Variants in CHRM3 observed in about 807,000 individuals in gnomAD.
CHRM3 encodes muscarinic acetylcholine receptor M3.
Under a neutral mutation model 41.8 loss-of-function variants are expected in CHRM3, and 11 were observed. That is an observed-to-expected ratio of 0.26 (90% CI 0.17 to 0.44). The LOEUF (loss-of-function observed/expected upper bound fraction) is 0.44. CHRM3 is among the 20% of genes least tolerant of loss of function. The pLI is 1.00. For missense variants in CHRM3, 571 were observed against 745.4 expected, an observed-to-expected ratio of 0.77 and a Z score of 2.72; for synonymous variants, 297 against 301.4, an observed-to-expected ratio of 0.99 and a Z score of 0.15.
chr1:239,402,128 A>G (rs1050417038), intron 1 of CHRM3, among the ~76,000 whole-genome samples: 1 of 152,136 alleles, frequency 6.6e-6, no homozygotes, highest in Admixed American at 6.5e-5. Flanking sequence ...AATATCCATC[A>G]GGCACCTCTA....
intron 1 of CHRM3, among the ~76,000 whole-genome samples, chr1:239,468,991 A>G (rs1399336099): frequency 6.6e-6 from 1 of 152,256 alleles, no homozygotes; most frequent in Non-Finnish European, 1.5e-5. Flanking sequence ...AATTTTATAG[A>G]CACCAAAATT....
intron 4 of CHRM3, among the ~76,000 whole-genome samples, chr1:239,637,183 A>G (rs1412794233): frequency 1.3e-5 from 2 of 152,090 alleles, no homozygotes; most frequent in Non-Finnish European, 2.9e-5. Context: ...TTCTTGATCA[A>G]TGGTCTTATC....
chr1:239,622,060 G>C (rs1257328034), intron 3 of CHRM3, among the ~76,000 whole-genome samples: 3 of 152,032 alleles, frequency 2.0e-5, no homozygotes, highest in Non-Finnish European at 4.4e-5. Context: ...AATCTACTTT[G>C]CCTGTGCTCT....
chr1:239,813,656 G>A (rs952282515), intron 5 of CHRM3, among the ~76,000 whole-genome samples: 1 of 151,226 alleles, frequency 6.6e-6, no homozygotes, highest in East Asian at 2.0e-4. Context: ...GGTGGCTCAC[G>A]CCTGTAATCC....
chr1:239,542,318 A>G (rs1658859655), intron 2 of CHRM3, among the ~76,000 whole-genome samples: 1 of 152,190 alleles, frequency 6.6e-6, no homozygotes, highest in Non-Finnish European at 1.5e-5. Flanking sequence ...GCAGTTTACC[A>G]GATAAATAGA....
intron 6 of CHRM3, among the ~76,000 whole-genome samples, chr1:239,900,990 T>G (rs899206091): frequency 1.3e-5 from 2 of 152,152 alleles, no homozygotes; most frequent in African/African-American, 4.8e-5. Flanking sequence ...GTCTCAACAC[T>G]GAAATCAAGG....
intron 5 of CHRM3, among the ~76,000 whole-genome samples, chr1:239,765,971 C>T (rs1667172152): frequency 6.6e-6 from 1 of 152,014 alleles, no homozygotes; most frequent in Non-Finnish European, 1.5e-5. Flanking sequence ...TGCACACCAC[C>T]ACACCAGGCT....
rs1459534282 is a variant in CHRM3, at chr1:239,535,395, A to G, written c.-421-10246A>G. ...GGAGAATTCACTATATTCCTGCCATATTACCAAGTTTAGCTAGAATTTTGA... is the reference window on the plus strand; with the variant it reads ...GGAGAATTCACTATATTCCTGCCATGTTACCAAGTTTAGCTAGAATTTTGA... On this transcript the variant is annotated intron_variant, in intron 2 of 6. Coordinates refer to ENST00000676153, the MANE Select transcript of CHRM3 (RefSeq NM_001375978.1). 4.6e-5 allele frequency among the ~76,000 whole-genome samples: 7 copies of G among 151,180 alleles called. No homozygotes were observed. In the Admixed American group the frequency reaches 4.6e-4, roughly 10 times the overall value.
At chr1:239,494,776 C>T (rs1380945939) in intron 2 of CHRM3, among the ~76,000 whole-genome samples, 1 of 152,118 alleles carries the variant, frequency 6.6e-6, no homozygotes, top group East Asian at 1.9e-4. Context: ...TCAGCTCCCA[C>T]TTACAAGTGA....
chr1:239,790,099 A>G (rs1169077732), intron 5 of CHRM3, among the ~76,000 whole-genome samples: 1 of 152,098 alleles, frequency 6.6e-6, no homozygotes, highest in Non-Finnish European at 1.5e-5. Flanking sequence ...TACCCATTGG[A>G]TCTAGGAAGT....
chr1:239,484,722 G>C (rs1438108672), intron 1 of CHRM3, among the ~76,000 whole-genome samples: 1 of 152,088 alleles, frequency 6.6e-6, no homozygotes, highest in African/African-American at 2.4e-5. Context: ...GAAAAATAAA[G>C]TGAAACATGG....
intron 3 of CHRM3, among the ~76,000 whole-genome samples, chr1:239,576,049 G>A (rs761309870): frequency 6.6e-5 from 10 of 152,040 alleles, no homozygotes; most frequent in Non-Finnish European, 1.5e-4. Context: ...GACTACTCTA[G>A]GTAATGGAGT....
At chr1:239,693,971 A>C (rs1659946423) in intron 5 of CHRM3, among the ~76,000 whole-genome samples, 2 of 152,204 alleles carry the variant, frequency 1.3e-5, no homozygotes, top group African/African-American at 4.8e-5. Context: ...GCCATATTTC[A>C]GAAAGATGAT....
chr1:239,402,003 C>G (rs775386264), intron 1 of CHRM3, among the ~76,000 whole-genome samples: 4 of 152,026 alleles, frequency 2.6e-5, no homozygotes, highest in Non-Finnish European at 5.9e-5. Flanking sequence ...TTGTTTGCAG[C>G]GGCATTTACG....
chr1:239,885,461 A>T (rs1344579861), intron 6 of CHRM3, among the ~76,000 whole-genome samples: 3 of 152,192 alleles, frequency 2.0e-5, no homozygotes, highest in Non-Finnish European at 4.4e-5. Context: ...TGAGTCAAGT[A>T]TATAGTGATC....
At chr1:239,795,888 G>T (rs1669727279) in intron 5 of CHRM3, among the ~76,000 whole-genome samples, 1 of 152,166 alleles carries the variant, frequency 6.6e-6, no homozygotes, top group African/African-American at 2.4e-5. Context: ...ATCTTAGTCT[G>T]AGCTTAGTAT....
chr1:239,568,627 A>T (rs1000943770), intron 3 of CHRM3, among the ~76,000 whole-genome samples: 5 of 152,046 alleles, frequency 3.3e-5, no homozygotes, highest in Non-Finnish European at 1.5e-5. Context: ...GACAATGTGA[A>T]TAGAAGAAAA....
chr1:239,758,870 T>A (rs115276436), intron 5 of CHRM3, among the ~76,000 whole-genome samples: 1,658 of 152,304 alleles, frequency 0.011, 31 homozygotes, highest in African/African-American at 0.038. Context: ...GCTTGGACTG[T>A]CACAGAAATG....
chr1:239,528,032 C>T (rs1397527791), intron 2 of CHRM3, among the ~76,000 whole-genome samples: 2 of 152,160 alleles, frequency 1.3e-5, no homozygotes, highest in African/African-American at 4.8e-5. Flanking sequence ...TACTTAACAA[C>T]TCCATCTCTA....
Sources: gnomAD v4.1 joint callset for allele counts (sites outside exome capture counted in the v4.1 genomes callset) on GRCh38, gnomAD v4.1.1 for gene constraint, MANE v1.5 for transcripts, NCBI Gene and HGNC (gene_info 2026-07-23, HGNC 2026-07-21) for gene names.